The following ZYG11B variants were observed in gnomAD, a reference collection of about 807,000 sequenced individuals.
ZYG11B encodes protein zyg-11 homolog B.
ZYG11B carries 36 observed loss-of-function variants against 82.4 expected under a neutral mutation model. The ratio of observed to expected loss-of-function variants is 0.44; its 90% CI spans 0.33 to 0.58. ZYG11B has a LOEUF of 0.58. ZYG11B is among the 20% of genes least tolerant of loss of function. The pLI is 0.02. For missense variants in ZYG11B, 552 were observed against 895.6 expected, an observed-to-expected ratio of 0.62 and a Z score of 4.90; for synonymous variants, 303 against 312.8, an observed-to-expected ratio of 0.97 and a Z score of 0.33.
rs568087259 is a variant in ZYG11B, at chr1:52,748,263, A to G, written c.31-8195A>G. Among the ~76,000 whole-genome samples the G allele has an allele frequency of 7.9e-5, 12 of 152,326 alleles. No individual in the cohort carries two copies. The South Asian group carries it at 2.3e-3, about 29-fold the overall frequency. ...GATCTGCACCAGGACCTGATACAGA[A>G]TAAATGCCTTGTAAAAGATAGCTGT... On this transcript the variant is annotated intron_variant, in intron 1 of 13. Coordinates refer to ENST00000294353, the MANE Select transcript of ZYG11B (RefSeq NM_024646.3).
intron 5 of ZYG11B, among the ~76,000 whole-genome samples, chr1:52,785,845 A>C (rs1558133406): frequency 6.6e-6 from 1 of 152,192 alleles, no homozygotes; most frequent in African/African-American, 2.4e-5. Flanking sequence ...GGCAAGCCAC[A>C]TTGGTGAGTA....
At position 52,826,546 on chromosome 1, in the gene ZYG11B, G is replaced by T. The variant is rs931829048; in HGVS notation, c.*4917G>T. ...CATGATATGGTACACTCCTAATTAT[G>T]CATTCTTTGGTTTCCAAATCTTAAT... On this transcript the variant is annotated 3_prime_UTR_variant, in exon 14 of 14. Coordinates refer to ENST00000294353, the MANE Select transcript of ZYG11B (RefSeq NM_024646.3). 2 of 152,138 alleles carry T rather than the reference G, an allele frequency of 1.3e-5. No individual in the cohort carries two copies. Among genetic ancestry groups the T allele is most frequent in the African/African-American group, 4.8e-5 (2 of 41,428 alleles). The allele number at this position is 152,138 out of a possible 1,614,324, so 9.4% of individuals were successfully genotyped here.
chr1:52,755,204 G>A (rs942059501), intron 1 of ZYG11B, among the ~76,000 whole-genome samples: 5 of 151,848 alleles, frequency 3.3e-5, no homozygotes, highest in Non-Finnish European at 7.4e-5. Flanking sequence ...CTCATGATCC[G>A]CCCACCTCGG....
chr1:52,817,550 T>A (rs559717443), intron 13 of ZYG11B, among the ~76,000 whole-genome samples: 1 of 149,960 alleles, frequency 6.7e-6, no homozygotes, highest in East Asian at 2.0e-4. Flanking sequence ...CATACCTGGC[T>A]TTTTTTTGTA....
intron 6 of ZYG11B, among the ~76,000 whole-genome samples, chr1:52,795,972 T>C (rs1645003240): frequency 6.6e-6 from 1 of 152,186 alleles, no homozygotes; most frequent in Admixed American, 6.6e-5. Flanking sequence ...ACCCAAAAAA[T>C]ACTTAAATTA....
intron 5 of ZYG11B, among the ~76,000 whole-genome samples, chr1:52,785,377 T>A (rs1013624345): frequency 6.6e-6 from 1 of 152,218 alleles, no homozygotes; most frequent in African/African-American, 2.4e-5. Flanking sequence ...CATAAATGAT[T>A]AAGACATGTC....
intron 1 of ZYG11B, among the ~76,000 whole-genome samples, chr1:52,751,465 A>G (rs1644523666): frequency 6.6e-6 from 1 of 151,992 alleles, no homozygotes; most frequent in Non-Finnish European, 1.5e-5. Flanking sequence ...CCCCGTCTCT[A>G]CCAAAAATAC....
rs1645297423 is a variant in ZYG11B at position 52,823,370 on chromosome 1, AATATCTAAATAG to A, written c.*1746_*1757del. ...ACAGAGCGAGACGCTGACTCAAATA[AATATCTAAATAG>A]ATATTTAGAATCACTGAAAACCATA... On this transcript the variant is annotated 3_prime_UTR_variant, in exon 14 of 14. Coordinates refer to ENST00000294353, the MANE Select transcript of ZYG11B (RefSeq NM_024646.3). The A allele has an allele frequency of 6.6e-6, 1 of 152,066 alleles. No individual in the cohort carries two copies. Among genetic ancestry groups the A allele is most frequent in the African/African-American group, 2.4e-5 (1 of 41,424 alleles). 9.4% of individuals were successfully genotyped at this position (152,066 alleles called of 1,614,324 possible).
intron 1 of ZYG11B, among the ~76,000 whole-genome samples, chr1:52,734,212 GGTCTCA>G (rs1291889257): frequency 6.6e-6 from 1 of 151,846 alleles, no homozygotes; most frequent in Non-Finnish European, 1.5e-5. Context: ...TTGCCAGGCT[GGTCTCA>G]AACTCCTGGG....
At chr1:52,733,115 A>G (rs551210031) in intron 1 of ZYG11B, among the ~76,000 whole-genome samples, 53 of 152,310 alleles carry the variant, frequency 3.5e-4, no homozygotes, top group African/African-American at 1.2e-3. Context: ...AGTTCTCTGT[A>G]GGATCATCAT....
chr1:52,779,594 G>GA (rs1644838504), intron 3 of ZYG11B, among the ~76,000 whole-genome samples: 2 of 152,206 alleles, frequency 1.3e-5, no homozygotes, highest in South Asian at 4.2e-4. Context: ...GGGTTCAAGC[G>GA]ATTCTCCTGC....
At chr1:52,751,178 C>T (rs1056515152) in intron 1 of ZYG11B, among the ~76,000 whole-genome samples, 6 of 151,908 alleles carry the variant, frequency 3.9e-5, no homozygotes, top group African/African-American at 9.7e-5. Context: ...TGGGGTTTCA[C>T]CATGTTGCCC....
intron 6 of ZYG11B, among the ~76,000 whole-genome samples, chr1:52,790,715 CAAAAAAAAAAAA>C (rs755866491): frequency 0.011 from 550 of 49,764 alleles, 13 homozygotes; most frequent in African/African-American, 0.043. Flanking sequence ...AAGACTGTCT[CAAAAAAAAAAAA>C]AAAAAAAAAA....
At chr1:52,731,794 A>G (rs1310158130) in intron 1 of ZYG11B, among the ~76,000 whole-genome samples, 4 of 152,078 alleles carry the variant, frequency 2.6e-5, no homozygotes, top group African/African-American at 9.7e-5. Context: ...AGCAACACTA[A>G]TAGCTTTTAT....
intron 1 of ZYG11B, among the ~76,000 whole-genome samples, chr1:52,753,805 A>C (rs1441587473): frequency 1.3e-5 from 2 of 152,096 alleles, no homozygotes; most frequent in African/African-American, 4.8e-5. Context: ...CATGTTGGTC[A>C]GGCTGGTCTT....
intron 1 of ZYG11B, among the ~76,000 whole-genome samples, chr1:52,754,073 T>G (rs1028929456): frequency 2.0e-5 from 3 of 151,432 alleles, no homozygotes; most frequent in Non-Finnish European, 4.4e-5. Flanking sequence ...TTGCCCAGGC[T>G]TGAGTGCAGT....
chr1:52,798,212 A>G (rs764103329), intron 8 of ZYG11B, among the ~76,000 whole-genome samples: 1 of 152,278 alleles, frequency 6.6e-6, no homozygotes, highest in African/African-American at 2.4e-5. Context: ...CTTAACAGAA[A>G]TGGAAAAAGC....
intron 1 of ZYG11B, among the ~76,000 whole-genome samples, chr1:52,731,617 G>A (rs1466058782): frequency 1.3e-5 from 2 of 151,796 alleles, no homozygotes; most frequent in African/African-American, 4.8e-5. Context: ...TTACAGAAGT[G>A]AAAAAAAGAC....
chr1:52,726,662 G>A lies in ZYG11B; in HGVS notation c.9G>A (p.Glu3=). The change falls in exon 1 of 14, where the codon GAG becomes GAA. Residue 3 remains glutamate (E), a synonymous_variant. Transcript: ENST00000294353. ...CCCAGGACGGAGGCTGCATGCCCGA[G>A]GACCAGGCCGGCGCAGCCATGGTGA... is the stretch of plus-strand genomic sequence containing the variant. MP[E]DQAGAAMEEA... is the part of the protein sequence containing the mutation. 6.8e-7 allele frequency: 1 copy of A among 1,478,514 alleles called. No individual in the cohort carries two copies. Among genetic ancestry groups the A allele is most frequent in the Non-Finnish European group, 8.9e-7 (1 of 1,121,630 alleles). 91.6% of individuals were successfully genotyped at this position (1,478,514 alleles called of 1,614,324 possible). A position where few individuals can be genotyped will look rare whatever the true frequency, so the allele number is the denominator to read the frequency against.
Sources: gnomAD v4.1 joint callset for allele counts (sites outside exome capture counted in the v4.1 genomes callset) on GRCh38, gnomAD v4.1.1 for gene constraint, MANE v1.5 for transcripts, NCBI Gene and HGNC (gene_info 2026-07-23, HGNC 2026-07-21) for gene names.